Variants in GRAMD1C observed in about 807,000 individuals in gnomAD.
GRAMD1C encodes protein Aster-C.
Under a neutral mutation model 97.8 loss-of-function variants are expected in GRAMD1C, and 89 were observed. The ratio of observed to expected loss-of-function variants is 0.91; its 90% CI spans 0.77 to 1.09. The LOEUF is 1.09. Among genes scored for constraint, GRAMD1C ranks in the 50% least tolerant of loss-of-function variants. The probability of loss-of-function intolerance (pLI) is 0.00; values close to 1 mark genes in which losing one functional copy is unlikely to be tolerated. For synonymous variants in GRAMD1C, 256 were observed against 267.0 expected, an observed-to-expected ratio of 0.96 and a Z score of 0.40; for missense variants, 740 against 766.4, an observed-to-expected ratio of 0.97 and a Z score of 0.41.
intron 11 of GRAMD1C, among the ~76,000 whole-genome samples, chr3:113,932,268 GTATTTC>G (rs1439465226): frequency 2.6e-5 from 4 of 152,108 alleles, no homozygotes; most frequent in African/African-American, 9.7e-5. Flanking sequence ...TAAAAAGAAC[GTATTTC>G]CATACCTTTA....
chr3:113,936,729 G>T (rs911456559), intron 14 of GRAMD1C: 19 of 200,354 alleles, frequency 9.5e-5, no homozygotes, highest in Non-Finnish European at 1.6e-4. Flanking sequence ...TCTAGATAGG[G>T]TCTCGTTCTG....
At chr3:113,926,393 C>T (rs1228130634) in intron 10 of GRAMD1C, among the ~76,000 whole-genome samples, 1 of 152,064 alleles carries the variant, frequency 6.6e-6, no homozygotes, top group African/African-American at 2.4e-5. Context: ...CTTAAAATGG[C>T]CATTTTGTCT....
Position 113,908,993 on chromosome 3 carries a change from G to A in GRAMD1C, c.825G>A (p.Gln275=), listed in dbSNP as rs1296279882. ...AAGAGGAGTCCCAAAATGAGAAACA[G>A]ACCAAAAAGAGTCTCTTACCAACTT... The part of the protein sequence containing the change: ...LGKEESQNEK[Q]TKKSLLPTLE... The change falls in exon 9 of 18, where the codon CAG becomes CAA. Residue 275 remains glutamine, a synonymous_variant. Coordinates refer to ENST00000358160, the MANE Select transcript of GRAMD1C (RefSeq NM_017577.5). 12 of 1,578,758 alleles carry A rather than the reference G, an allele frequency of 7.6e-6. No homozygotes were observed. Among genetic ancestry groups the A allele is most frequent in the Non-Finnish European group, 9.4e-6 (11 of 1,167,038 alleles).
chr3:113,884,796 G>A (rs1935389253), intron 6 of GRAMD1C, among the ~76,000 whole-genome samples: 1 of 151,030 alleles, frequency 6.6e-6, no homozygotes. Context: ...CTGAGATCAC[G>A]CCACTGCACT....
chr3:113,944,433 C>T (rs569555513), intron 17 of GRAMD1C, among the ~76,000 whole-genome samples: 4 of 152,300 alleles, frequency 2.6e-5, no homozygotes, highest in South Asian at 2.1e-4. Context: ...TCTCTCACCT[C>T]GACCTGAGCT....
At chr3:113,858,393 C>CGTTTTTTT (rs200917151) in intron 2 of GRAMD1C, among the ~76,000 whole-genome samples, 1 of 76,608 alleles carries the variant, frequency 1.3e-5, no homozygotes. Context: ...ATCCCAGCTA[C>CGTTTTTTT]ATTTTTTTTT....
chr3:113,900,713 A>G (rs1270113507), intron 6 of GRAMD1C, among the ~76,000 whole-genome samples: 3 of 151,868 alleles, frequency 2.0e-5, no homozygotes, highest in Non-Finnish European at 4.4e-5. Context: ...GGCGTGAGTC[A>G]CTGTGCCTGG....
intron 13 of GRAMD1C, among the ~76,000 whole-genome samples, chr3:113,934,904 C>A (rs751697310): frequency 6.6e-6 from 1 of 151,900 alleles, no homozygotes; most frequent in Non-Finnish European, 1.5e-5. Flanking sequence ...CCACCACACC[C>A]GGCTAATTTT....
intron 7 of GRAMD1C, among the ~76,000 whole-genome samples, chr3:113,903,072 C>T (rs1936235896): frequency 1.3e-5 from 2 of 151,764 alleles, no homozygotes; most frequent in African/African-American, 4.8e-5. Context: ...TCAAGCGAGT[C>T]TTCTGCCTCA....
intron 14 of GRAMD1C, among the ~76,000 whole-genome samples, chr3:113,937,534 C>T (rs1446704708): frequency 1.3e-5 from 2 of 152,018 alleles, no homozygotes; most frequent in Non-Finnish European, 2.9e-5. Flanking sequence ...AAGTAATTTG[C>T]AATATAGGCC....
intron 3 of GRAMD1C, among the ~76,000 whole-genome samples, chr3:113,873,410 A>G (rs760711527): frequency 8.5e-5 from 13 of 152,248 alleles, no homozygotes; most frequent in Non-Finnish European, 1.5e-4. Flanking sequence ...AGTGTGGTCC[A>G]CAGACTAGCA....
At chr3:113,918,628 A>G (rs1357528688) in intron 10 of GRAMD1C, among the ~76,000 whole-genome samples, 1 of 152,244 alleles carries the variant, frequency 6.6e-6, no homozygotes, top group Non-Finnish European at 1.5e-5. Flanking sequence ...ACTACAAAAG[A>G]GAATCTGATC....
At chr3:113,912,713 G>A (rs1457702415) in intron 9 of GRAMD1C, among the ~76,000 whole-genome samples, 5 of 150,058 alleles carry the variant, frequency 3.3e-5, no homozygotes, top group African/African-American at 4.9e-5. Flanking sequence ...TAGCCTGGGC[G>A]ACAAAAGAGC....
intron 11 of GRAMD1C, among the ~76,000 whole-genome samples, chr3:113,931,682 ACT>A (rs1937432618): frequency 6.6e-6 from 1 of 152,118 alleles, no homozygotes; most frequent in African/African-American, 2.4e-5. Context: ...GAATATTAGC[ACT>A]TTGAGAGGCC....
intron 6 of GRAMD1C, chr3:113,885,701 G>T: frequency 6.5e-7 from 1 of 1,532,238 alleles, no homozygotes; most frequent in Middle Eastern, 1.8e-4. Context: ...AAAGCATGGA[G>T]ATCTATGGCT....
intron 6 of GRAMD1C, among the ~76,000 whole-genome samples, chr3:113,898,129 CT>C (rs1200143643): frequency 3.9e-5 from 6 of 152,036 alleles, no homozygotes; most frequent in Non-Finnish European, 8.8e-5. Context: ...TATTAACTTC[CT>C]GCTAGTATTT....
At position 113,932,595 on chromosome 3, in the gene GRAMD1C, C is replaced by G. The variant is rs149760640; in HGVS notation, c.1210-916C>G. ...TCACCTAACAGGAACACTTAAAACT[C>G]TATAAACTTATAATACACATAAGAG... On this transcript the variant is annotated intron_variant, in intron 11 of 17. Coordinates refer to ENST00000358160, the MANE Select transcript of GRAMD1C (RefSeq NM_017577.5). Among the ~76,000 whole-genome samples, 61 of 152,296 alleles carry G rather than the reference C, an allele frequency of 4.0e-4. No homozygotes were observed. The East Asian group carries it at 0.011, about 28-fold the overall frequency.
intron 4 of GRAMD1C, 41 bp from the exon 5 acceptor site, chr3:113,876,124 G>A (rs764518485): frequency 2.3e-6 from 2 of 883,872 alleles, no homozygotes; most frequent in Non-Finnish European, 3.8e-6. Flanking sequence ...TATTGTGTAT[G>A]TTTCTGAAAA....
intron 9 of GRAMD1C, among the ~76,000 whole-genome samples, chr3:113,912,182 G>A (rs1936627589): frequency 6.6e-6 from 1 of 152,192 alleles, no homozygotes; most frequent in Admixed American, 6.5e-5. Context: ...GTAGAGAGAG[G>A]CTGGGAATTA....
Sources: gnomAD v4.1 joint callset for allele counts (sites outside exome capture counted in the v4.1 genomes callset) on GRCh38, gnomAD v4.1.1 for gene constraint, MANE v1.5 for transcripts, NCBI Gene and HGNC (gene_info 2026-07-23, HGNC 2026-07-21) for gene names.